Variants in GIGYF2 observed in about 807,000 individuals in gnomAD.
The protein encoded by GIGYF2 is GRB10 interacting GYF protein 2, also known as GRB10-interacting GYF protein 2.
GIGYF2 carries 25 observed loss-of-function variants against 208.1 expected under a neutral mutation model. The observed-to-expected ratio is 0.12, with a 90% CI of 0.09 to 0.17. The LOEUF (loss-of-function observed/expected upper bound fraction) is 0.17. Among genes scored for constraint, GIGYF2 ranks in the 10% least tolerant of loss-of-function variants. GIGYF2 has a pLI of 1.00. For synonymous variants in GIGYF2, 534 were observed against 543.8 expected, an observed-to-expected ratio of 0.98 and a Z score of 0.25; for missense variants, 1,302 against 1,579.4, an observed-to-expected ratio of 0.82 and a Z score of 2.98.
chr2:232,843,880 T>G (rs1020102867), intron 23 of GIGYF2, 166 bp from the exon 24 acceptor site: 60 of 677,848 alleles, frequency 8.9e-5, no homozygotes, highest in Non-Finnish European at 1.5e-4. Context: ...TTCTCCTTTT[T>G]AATACTGTTA....
chr2:232,798,289 AGTTT>A lies in GIGYF2; in HGVS notation c.1639+2073_1639+2076del, dbSNP rs368147724. Among the ~76,000 whole-genome samples the A allele has an allele frequency of 2.6e-4, 40 of 152,298 alleles. 1 individual carries two copies. The East Asian group carries it at 5.6e-3, about 21-fold the overall frequency. On this transcript the variant is annotated intron_variant, in intron 14 of 28. Transcript: ENST00000373563. ...TATTGTGTGATATGAATGTTATCAA[AGTTT>A]GTTTAACCATTCACCCATTGAAGGA...
At chr2:232,802,959 GCA>G (rs1373030048) in intron 14 of GIGYF2, among the ~76,000 whole-genome samples, 1 of 151,486 alleles carries the variant, frequency 6.6e-6, no homozygotes, top group Non-Finnish European at 1.5e-5. Context: ...GAGTGCAGTG[GCA>G]CAGTCTCAGC....
rs568887352 is a variant in GIGYF2, at chr2:232,752,992, G to T, written c.268-3231G>T. ...TTCCATTTTTTTTGTATTCACTTCAGGGGTGCTTATGGTGTCTACAACTAT... is the reference window on the plus strand; with the variant it reads ...TTCCATTTTTTTTGTATTCACTTCATGGGTGCTTATGGTGTCTACAACTAT... On this transcript the variant is annotated intron_variant, in intron 5 of 28. Transcript: ENST00000373563. 7.9e-5 allele frequency among the ~76,000 whole-genome samples: 12 copies of T among 152,014 alleles called. No individual in the cohort carries two copies. The East Asian group carries it at 2.3e-3, about 29-fold the overall frequency.
Position 232,734,736 on chromosome 2 carries a change from T to C in GIGYF2, c.-43-419T>C, listed in dbSNP as rs144828731. ...TAGGTAAGGAGGGTCCTTATTTTAATAATCTTTGATGTACCTCATGGTGAT... is the reference window on the plus strand; with the variant it reads ...TAGGTAAGGAGGGTCCTTATTTTAACAATCTTTGATGTACCTCATGGTGAT... On this transcript the variant is annotated intron_variant, in intron 2 of 28. Transcript: ENST00000373563. Among the ~76,000 whole-genome samples the C allele has an allele frequency of 5.0e-3, 767 of 152,330 alleles. 3 individuals carry two copies. The highest frequency in any genetic ancestry group is 7.5e-3 in the Non-Finnish European group (507 of 68,026).
rs962886108 is a variant in GIGYF2, at chr2:232,717,384, A to G, written c.-44+13895A>G. Reference sequence around the variant, plus strand: ...GCACAAATGTGAAGTTTATAGTTCAATACATTTTTACATGTACATATACAT... The same window carrying G: ...GCACAAATGTGAAGTTTATAGTTCAGTACATTTTTACATGTACATATACAT... On this transcript the variant is annotated intron_variant, in intron 2 of 28. Coordinates refer to ENST00000373563, the MANE Select transcript of GIGYF2 (RefSeq NM_001103146.3). Among the ~76,000 whole-genome samples the G allele has an allele frequency of 6.4e-4, 97 of 152,276 alleles. 4 individuals carry two copies. Among genetic ancestry groups the G allele is most frequent in the African/African-American group, 6.7e-4 (28 of 41,566 alleles).
chr2:232,698,695 A>G (rs943095534), intron 1 of GIGYF2, among the ~76,000 whole-genome samples: 4 of 152,244 alleles, frequency 2.6e-5, no homozygotes, highest in Non-Finnish European at 4.4e-5. Flanking sequence ...TGTTGACAAC[A>G]GAAGAGGACA....
intron 1 of GIGYF2, among the ~76,000 whole-genome samples, chr2:232,699,784 C>T (rs1695763262): frequency 6.6e-6 from 1 of 152,166 alleles, no homozygotes; most frequent in Admixed American, 6.5e-5. Flanking sequence ...TATCCTTAAT[C>T]TGGTTAGTAA....
Position 232,785,471 on chromosome 2 carries a change from A to AG in GIGYF2, c.533-1677dup, listed in dbSNP as rs1207773861. The stretch of plus-strand genomic sequence containing the variant: ...TCTTTGCCATGCAAGCTTCTCCACG[A>AG]GGTCTGTGTCACTACATGGCAACTA... On this transcript the variant is annotated intron_variant, in intron 8 of 28. Coordinates refer to ENST00000373563, the MANE Select transcript of GIGYF2 (RefSeq NM_001103146.3). 2.0e-5 allele frequency among the ~76,000 whole-genome samples: 3 copies of AG among 152,188 alleles called. No individual in the cohort carries two copies. The East Asian group carries it at 5.8e-4, about 29-fold the overall frequency.
chr2:232,781,466 T>C (rs1699721990), intron 8 of GIGYF2, among the ~76,000 whole-genome samples: 1 of 152,020 alleles, frequency 6.6e-6, no homozygotes, highest in South Asian at 2.1e-4. Context: ...TTTTTAGTTA[T>C]ATTAGTAGTA....
At chr2:232,741,929 G>A (rs1367837475) in intron 3 of GIGYF2, among the ~76,000 whole-genome samples, 1 of 152,248 alleles carries the variant, frequency 6.6e-6, no homozygotes, top group East Asian at 1.9e-4. Context: ...TGTTTAGCAA[G>A]GCCTTGAGGA....
intron 2 of GIGYF2, among the ~76,000 whole-genome samples, chr2:232,714,669 C>A (rs1449357736): frequency 1.3e-5 from 2 of 152,068 alleles, no homozygotes; most frequent in African/African-American, 4.8e-5. Flanking sequence ...CAGAAGTTTC[C>A]CCCAGCTGTT....
chr2:232,699,622 T>C (rs1460601408), intron 1 of GIGYF2, among the ~76,000 whole-genome samples: 1 of 152,196 alleles, frequency 6.6e-6, no homozygotes. Flanking sequence ...TGAAAGTACT[T>C]TTCAAAAGCA....
At chr2:232,717,504 C>T (rs1398177546) in intron 2 of GIGYF2, among the ~76,000 whole-genome samples, 1 of 152,140 alleles carries the variant, frequency 6.6e-6, no homozygotes, top group Admixed American at 6.5e-5. Flanking sequence ...TCTCCTCTTC[C>T]CATGATGAGT....
At chr2:232,725,630 C>G (rs1697162364) in intron 2 of GIGYF2, among the ~76,000 whole-genome samples, 1 of 152,218 alleles carries the variant, frequency 6.6e-6, no homozygotes. Context: ...TTCAACAGAT[C>G]TTCAGTGTTA....
Position 232,857,802 on chromosome 2 carries a change from C to G in GIGYF2, c.*942C>G, listed in dbSNP as rs998244054. The G allele has an allele frequency of 1.3e-5, 2 of 152,566 alleles. No homozygotes were observed. Among genetic ancestry groups the G allele is most frequent in the African/African-American group, 4.8e-5 (2 of 41,424 alleles). 9.5% of individuals were successfully genotyped at this position (152,566 alleles called of 1,614,324 possible). On this transcript the variant is annotated 3_prime_UTR_variant, in exon 29 of 29. Transcript: ENST00000373563. Reference sequence around the variant, plus strand: ...AATTTCATTTTTGGATAGGGATAAACTTTTGCTTCTGATAAAAGCCTGGAA... The same window carrying G: ...AATTTCATTTTTGGATAGGGATAAAGTTTTGCTTCTGATAAAAGCCTGGAA...
chr2:232,757,770 C>A (rs1376956749), intron 6 of GIGYF2, among the ~76,000 whole-genome samples: 3 of 121,946 alleles, frequency 2.5e-5, no homozygotes, highest in African/African-American at 6.3e-5. Context: ...CTGAACAGCA[C>A]CCCCCGCCCC....
intron 2 of GIGYF2, among the ~76,000 whole-genome samples, chr2:232,721,619 C>T (rs1164135637): frequency 6.6e-6 from 1 of 152,174 alleles, no homozygotes; most frequent in Non-Finnish European, 1.5e-5. Flanking sequence ...TATCCTTTCA[C>T]ACATTTTCTA....
At chr2:232,784,241 A>T (rs889177556) in intron 8 of GIGYF2, among the ~76,000 whole-genome samples, 4 of 152,180 alleles carry the variant, frequency 2.6e-5, no homozygotes, top group Non-Finnish European at 5.9e-5. Flanking sequence ...AGGCAGAAGG[A>T]TCACTTGAGG....
chr2:232,704,866 T>TA (rs1696016812), intron 2 of GIGYF2, among the ~76,000 whole-genome samples: 1 of 141,928 alleles, frequency 7.0e-6, no homozygotes, highest in African/African-American at 2.6e-5. Context: ...ATTTTTTTTT[T>TA]TTTTTTTTTT....
Sources: allele counts gnomAD v4.1 joint callset (sites outside exome capture counted in the v4.1 genomes callset), GRCh38; gene constraint gnomAD v4.1.1; transcripts MANE v1.5; gene names NCBI Gene and HGNC (gene_info 2026-07-23, HGNC 2026-07-21).